The following PCDHA12 variants were observed in gnomAD, a reference collection of about 807,000 sequenced individuals.
PCDHA12 encodes protocadherin alpha 12, also known as protocadherin alpha-12.
PCDHA12 carries 44 observed loss-of-function variants against 60.0 expected under a neutral mutation model. The ratio of observed to expected loss-of-function variants is 0.73; its 90% CI spans 0.58 to 0.94. The LOEUF (loss-of-function observed/expected upper bound fraction) is 0.94. Ranked by LOEUF, PCDHA12 falls within the 40% of genes least tolerant of loss-of-function variation. PCDHA12 has a pLI of 0.00. For missense variants in PCDHA12, 1,276 were observed against 1,239.7 expected (o/e 1.03, Z -0.44); for synonymous variants, 569 against 553.0 (o/e 1.03, Z -0.40).
chr5:140,944,277 C>T (rs922160593), intron 1 of PCDHA12, among the ~76,000 whole-genome samples: 1 of 152,044 alleles, frequency 6.6e-6, no homozygotes, highest in Non-Finnish European at 1.5e-5. Flanking sequence ...AGCCTTGACA[C>T]CCCGGGCTCA....
chr5:140,962,944 G>T (rs572517623), intron 1 of PCDHA12, among the ~76,000 whole-genome samples: 1 of 152,158 alleles, frequency 6.6e-6, no homozygotes, highest in East Asian at 1.9e-4. Flanking sequence ...CTCTCCATAA[G>T]ATATGCTCTA....
chr5:140,955,234 G>C (rs1373509371), intron 1 of PCDHA12, among the ~76,000 whole-genome samples: 12 of 152,184 alleles, frequency 7.9e-5, no homozygotes, highest in Middle Eastern at 3.4e-3. Flanking sequence ...TTGTTCTTTT[G>C]CTTAGGATCG....
At chr5:140,952,705 T>C (rs2094784320) in intron 1 of PCDHA12, among the ~76,000 whole-genome samples, 1 of 152,160 alleles carries the variant, frequency 6.6e-6, no homozygotes, top group Non-Finnish European at 1.5e-5. Context: ...TATCCCACTC[T>C]CAGTATCAAT....
intron 3 of PCDHA12, among the ~76,000 whole-genome samples, chr5:140,998,912 C>T (rs1256504660): frequency 6.6e-6 from 1 of 152,182 alleles, no homozygotes; most frequent in Admixed American, 6.6e-5. Context: ...CGGGAGGTAG[C>T]TATTATATCC....
At chr5:140,928,471 G>T in intron 1 of PCDHA12, 1 of 1,614,148 alleles carries the variant, frequency 6.2e-7, no homozygotes, top group Non-Finnish European at 8.5e-7. Context: ...CCAAGTAGAA[G>T]GCCGGGATGG....
At chr5:140,877,864 A>ATATT in intron 1 of PCDHA12, 25 bp downstream of exon 1, 1 of 1,500,280 alleles carries the variant, frequency 6.7e-7, no homozygotes, top group East Asian at 2.4e-5. Flanking sequence ...TTATTTAGAT[A>ATATT]TATTTGTTTC....
At chr5:140,953,620 T>G (rs1207803220) in intron 1 of PCDHA12, among the ~76,000 whole-genome samples, 1 of 152,146 alleles carries the variant, frequency 6.6e-6, no homozygotes, top group Non-Finnish European at 1.5e-5. Context: ...CTTAGATATT[T>G]GCTTTATGTA....
chr5:140,968,234 A>T (rs1426230655), intron 1 of PCDHA12: 1 of 1,613,870 alleles, frequency 6.2e-7, no homozygotes, highest in Non-Finnish European at 8.5e-7. Flanking sequence ...GTTGCTCTGT[A>T]CTGTGCAAGC....
chr5:140,917,151 G>A (rs974449842), intron 1 of PCDHA12, among the ~76,000 whole-genome samples: 1 of 152,160 alleles, frequency 6.6e-6, no homozygotes, highest in Non-Finnish European at 1.5e-5. Flanking sequence ...TGCTGCTGGG[G>A]GATATGGGAG....
At chr5:140,957,897 C>A (rs1563294637) in intron 1 of PCDHA12, among the ~76,000 whole-genome samples, 2 of 151,908 alleles carry the variant, frequency 1.3e-5, no homozygotes, top group East Asian at 3.9e-4. Context: ...TGGCATCAAC[C>A]AAGGCATATT....
At chr5:140,941,618 C>A (rs532721732) in intron 1 of PCDHA12, among the ~76,000 whole-genome samples, 1 of 151,904 alleles carries the variant, frequency 6.6e-6, no homozygotes, top group African/African-American at 2.4e-5. Context: ...CCCAGCCCAT[C>A]CTGCTTCTTA....
intron 1 of PCDHA12, among the ~76,000 whole-genome samples, chr5:140,890,162 A>G (rs1433054233): frequency 6.6e-6 from 1 of 152,184 alleles, no homozygotes; most frequent in Non-Finnish European, 1.5e-5. Context: ...TATTTCTGCC[A>G]CAGAAATAGG....
At chr5:140,945,304 C>T (rs993719774) in intron 1 of PCDHA12, among the ~76,000 whole-genome samples, 3 of 151,880 alleles carry the variant, frequency 2.0e-5, no homozygotes, top group African/African-American at 7.3e-5. Flanking sequence ...TTGAAGAAGA[C>T]ACAAATAAAT....
intron 1 of PCDHA12, among the ~76,000 whole-genome samples, chr5:140,941,343 G>C (rs2093045496): frequency 8.8e-6 from 1 of 114,104 alleles, no homozygotes. Context: ...TTCAGATGGA[G>C]TCTTGCTCTG....
intron 1 of PCDHA12, among the ~76,000 whole-genome samples, chr5:140,950,402 G>A (rs1459486068): frequency 6.6e-6 from 1 of 151,846 alleles, no homozygotes; most frequent in African/African-American, 2.4e-5. Context: ...AATTCTGGGG[G>A]ATTGACAGAT....
At chr5:140,919,876 G>A (rs2079336654) in intron 1 of PCDHA12, among the ~76,000 whole-genome samples, 1 of 152,174 alleles carries the variant, frequency 6.6e-6, no homozygotes, top group Non-Finnish European at 1.5e-5. Flanking sequence ...AGTCTTTGAA[G>A]ACATAATTAT....
intron 1 of PCDHA12, chr5:140,882,644 A>G (rs368491324): frequency 1.9e-6 from 3 of 1,614,138 alleles, no homozygotes; most frequent in Admixed American, 1.7e-5. Flanking sequence ...GGTGAGGGAC[A>G]TTAACGACAA....
chr5:140,965,830 A>G (rs2095939833), intron 1 of PCDHA12, among the ~76,000 whole-genome samples: 1 of 152,208 alleles, frequency 6.6e-6, no homozygotes, highest in African/African-American at 2.4e-5. Flanking sequence ...ACATTTAAAT[A>G]TTGGTTATTT....
chr5:140,956,707 C>T (rs1461272130), intron 1 of PCDHA12, among the ~76,000 whole-genome samples: 9 of 152,120 alleles, frequency 5.9e-5, no homozygotes, highest in Non-Finnish European at 1.3e-4. Flanking sequence ...TTTGGAATAG[C>T]TTCAGAAGAA....
Sources: gnomAD v4.1 joint callset for allele counts (sites outside exome capture counted in the v4.1 genomes callset) on GRCh38, gnomAD v4.1.1 for gene constraint, MANE v1.5 for transcripts, NCBI Gene and HGNC (gene_info 2026-07-23, HGNC 2026-07-21) for gene names.